PTPRG: variants seen among roughly 807,000 people sequenced by gnomAD.
The protein encoded by PTPRG is protein tyrosine phosphatase receptor type G, also known as receptor-type tyrosine-protein phosphatase gamma.
A neutral mutation model predicts 165.3 loss-of-function variants in PTPRG; 102 were observed. The ratio of observed to expected loss-of-function variants is 0.62; its 90% CI spans 0.53 to 0.73. The LOEUF (loss-of-function observed/expected upper bound fraction) is 0.73. PTPRG is among the 30% of genes least tolerant of loss of function. PTPRG has a pLI of 0.00. For missense variants in PTPRG, 1,866 were observed against 1,861.4 expected (o/e 1.00, Z -0.05); for synonymous variants, 675 against 669.5 (o/e 1.01, Z -0.13).
chr3:61,821,316 C>T (rs1314591568), intron 2 of PTPRG, among the ~76,000 whole-genome samples: 1 of 152,052 alleles, frequency 6.6e-6, no homozygotes, highest in Non-Finnish European at 1.5e-5. Flanking sequence ...ACTACAGGCG[C>T]CTGCCACCTC....
At position 61,906,242 on chromosome 3, in the gene PTPRG, C is replaced by T. The variant is rs193127650; in HGVS notation, c.191-83383C>T. On this transcript the variant is annotated intron_variant, in intron 2 of 29. Coordinates refer to ENST00000474889, the MANE Select transcript of PTPRG (RefSeq NM_002841.4). ...GGCTGAGGCAGGTGGATCATGAGGT[C>T]AGGAGTTCAAGACCAGTCTGGCCAA... 3.1e-4 allele frequency among the ~76,000 whole-genome samples: 47 copies of T among 151,248 alleles called. No homozygotes were observed. The East Asian group carries it at 9.0e-3, about 29-fold the overall frequency.
chr3:62,011,098 T>A (rs563384408), intron 4 of PTPRG, among the ~76,000 whole-genome samples: 1 of 152,302 alleles, frequency 6.6e-6, no homozygotes, highest in East Asian at 1.9e-4. Context: ...GGTTCCTTAT[T>A]TGTATATGGC....
chr3:62,263,034 T>G (rs772585101), intron 17 of PTPRG, 140 bp downstream of exon 17: 6 of 645,800 alleles, frequency 9.3e-6, no homozygotes, highest in Admixed American at 5.6e-5. Context: ...TAGCCCATCT[T>G]CAACAGTGTA....
At position 62,235,444 on chromosome 3, in the gene PTPRG, G is replaced by A. The variant is rs141745605; in HGVS notation, c.2375+4133G>A. Among the ~76,000 whole-genome samples, 286 of 152,246 alleles carry A rather than the reference G, an allele frequency of 1.9e-3. 1 individual carries two copies. The highest frequency in any genetic ancestry group is 6.7e-3 in the African/African-American group (278 of 41,550). ...CCAGCTAAAATAAAAGAACTGTCACGGTCTCATCAAAATGTGGTTTCTGAA... is the reference window on the plus strand; with the variant it reads ...CCAGCTAAAATAAAAGAACTGTCACAGTCTCATCAAAATGTGGTTTCTGAA... On this transcript the variant is annotated intron_variant, in intron 14 of 29. Coordinates refer to ENST00000474889, the MANE Select transcript of PTPRG (RefSeq NM_002841.4).
intron 4 of PTPRG, among the ~76,000 whole-genome samples, chr3:62,019,697 A>T (rs2107757199): frequency 6.6e-6 from 1 of 152,180 alleles, no homozygotes; most frequent in African/African-American, 2.4e-5. Context: ...TGGATGTGTT[A>T]ATTAGCTTGA....
rs763532615 is a variant in PTPRG, at chr3:61,562,329, G to A, written c.42G>A (p.Leu14=). The A allele has an allele frequency of 4.8e-5, 77 of 1,613,604 alleles. 2 individuals carry two copies. The South Asian group carries it at 7.0e-4, about 15-fold the overall frequency. ...LLEPCWWILF[L]KITSSVLHYV... The stretch of plus-strand genomic sequence containing the variant: ...AACCGTGTTGGTGGATTTTGTTCCT[G>A]AAAATCACCAGTTCCGTGCTCCATT... The change falls in exon 1 of 30, where the codon CTG becomes CTA. Residue 14 remains leucine (L), a synonymous_variant. Coordinates refer to ENST00000474889, the MANE Select transcript of PTPRG (RefSeq NM_002841.4).
chr3:62,122,032 C>T (rs184978334), intron 5 of PTPRG, among the ~76,000 whole-genome samples: 27 of 152,162 alleles, frequency 1.8e-4, no homozygotes, highest in Middle Eastern at 3.2e-3. Context: ...ATGTCCTCCT[C>T]GAGATGGGGC....
intron 4 of PTPRG, among the ~76,000 whole-genome samples, chr3:62,019,137 T>A (rs1420524102): frequency 6.6e-6 from 1 of 152,134 alleles, no homozygotes; most frequent in Admixed American, 6.5e-5. Flanking sequence ...TAATTCAGGG[T>A]AGATTTTCTA....
At chr3:61,999,439 A>G (rs1407447808) in intron 3 of PTPRG, among the ~76,000 whole-genome samples, 2 of 152,110 alleles carry the variant, frequency 1.3e-5, no homozygotes, top group African/African-American at 4.8e-5. Context: ...GCATCATACC[A>G]TTACATGGGG....
At chr3:62,253,127 ATTTCT>A in intron 15 of PTPRG, among the ~76,000 whole-genome samples, 1 of 152,280 alleles carries the variant, frequency 6.6e-6, no homozygotes, top group South Asian at 2.1e-4. Context: ...ACCTGAAAGC[ATTTCT>A]TTTAATGATC....
chr3:61,771,007 C>T (rs546098146), intron 2 of PTPRG: 2 of 152,276 alleles, frequency 1.3e-5, no homozygotes, highest in African/African-American at 4.8e-5. Flanking sequence ...TTGTTTCCCT[C>T]CCAAGACAGC....
At chr3:61,912,078 T>C (rs1035515905) in intron 2 of PTPRG, among the ~76,000 whole-genome samples, 2 of 152,066 alleles carry the variant, frequency 1.3e-5, no homozygotes, top group Non-Finnish European at 1.5e-5. Flanking sequence ...AAGGAGCGAG[T>C]CCTCAGGATC....
chr3:62,164,512 C>T (rs1296338170), intron 7 of PTPRG, among the ~76,000 whole-genome samples: 1 of 152,112 alleles, frequency 6.6e-6, no homozygotes, highest in African/African-American at 2.4e-5. Flanking sequence ...GTGCTAAGCT[C>T]GTCCTCCTTT....
intron 16 of PTPRG, among the ~76,000 whole-genome samples, chr3:62,259,537 C>T (rs1701631567): frequency 6.6e-6 from 1 of 152,214 alleles, no homozygotes; most frequent in East Asian, 1.9e-4. Flanking sequence ...AGTTAGTTTC[C>T]TCAGCGTTTT....
At chr3:62,193,573 C>T (rs926392879) in intron 9 of PTPRG, among the ~76,000 whole-genome samples, 1 of 152,276 alleles carries the variant, frequency 6.6e-6, no homozygotes. Context: ...ATCATTTGAG[C>T]AGCATTTTCT....
intron 15 of PTPRG, among the ~76,000 whole-genome samples, chr3:62,244,195 ATTTT>A (rs533711053): frequency 1.4e-4 from 21 of 152,168 alleles, no homozygotes; most frequent in Non-Finnish European, 2.9e-4. Context: ...TTTGTGACAC[ATTTT>A]TTTAAAGGTG....
At chr3:62,235,487 A>G (rs995866121) in intron 14 of PTPRG, among the ~76,000 whole-genome samples, 2 of 152,174 alleles carry the variant, frequency 1.3e-5, no homozygotes, top group African/African-American at 2.4e-5. Context: ...TTTCTCTCCT[A>G]TCTCCTGGAA....
At position 61,946,718 on chromosome 3, in the gene PTPRG, C is replaced by G. The variant is rs150933156; in HGVS notation, c.191-42907C>G. On this transcript the variant is annotated intron_variant, in intron 2 of 29. Transcript: ENST00000474889. ...TAGTGTCGCTTTCTGCATCAGTGTG[C>G]TATTTTGGCATTGCTCTCTTCTGTT... Among the ~76,000 whole-genome samples the G allele has an allele frequency of 4.3e-3, 656 of 152,276 alleles. 4 individuals are homozygous for G. The highest frequency in any genetic ancestry group is 0.015 in the African/African-American group (607 of 41,568).
intron 15 of PTPRG, among the ~76,000 whole-genome samples, chr3:62,247,367 A>G (rs1366022885): frequency 1.3e-5 from 2 of 152,138 alleles, no homozygotes; most frequent in Admixed American, 6.5e-5. Flanking sequence ...TCATTTGGAT[A>G]TTGATTCATT....
Sources: gnomAD v4.1 joint callset for allele counts (sites outside exome capture counted in the v4.1 genomes callset) on GRCh38, gnomAD v4.1.1 for gene constraint, MANE v1.5 for transcripts, NCBI Gene and HGNC (gene_info 2026-07-23, HGNC 2026-07-21) for gene names.